GTSE1: variants seen among roughly 807,000 people sequenced by gnomAD.
GTSE1 encodes the protein G2 and S phase-expressed protein 1.
A neutral mutation model predicts 60.5 loss-of-function variants in GTSE1; 52 were observed. The observed-to-expected ratio is 0.86, with a 90% CI of 0.69 to 1.08. The LOEUF (loss-of-function observed/expected upper bound fraction) is 1.08. Among genes scored for constraint, GTSE1 ranks in the 50% least tolerant of loss-of-function variants. The probability of loss-of-function intolerance (pLI) is 0.00; values close to 1 mark genes in which losing one functional copy is unlikely to be tolerated. For missense variants in GTSE1, 937 were observed against 961.8 expected (o/e 0.97, Z 0.34); for synonymous variants, 368 against 386.5 (o/e 0.95, Z 0.56).
chr22:46,303,170 G>A lies in GTSE1; in HGVS notation c.80-4980G>A, dbSNP rs189467908. ...CCTCCTCGGCCTCCCAAAGTGCTGG[G>A]ATTACAGATGTGAGCCACCCTGCCC... On this transcript the variant is annotated intron_variant, in intron 2 of 11. Coordinates refer to ENST00000454366, the MANE Select transcript of GTSE1 (RefSeq NM_016426.7). Among the ~76,000 whole-genome samples, 450 of 152,220 alleles carry A rather than the reference G, an allele frequency of 3.0e-3. 3 individuals carry two copies. Among genetic ancestry groups the A allele is most frequent in the Non-Finnish European group, 3.0e-3 (207 of 68,020 alleles).
rs775305002 is a variant in GTSE1, at chr22:46,329,160, G to A, written c.1927-198G>A. Reference sequence around the variant, plus strand: ...CAGGAGCTGGTGGCTGCTGGTGAGCGGGTATGGACAGGGAGGTGGGCAACA... The same window carrying A: ...CAGGAGCTGGTGGCTGCTGGTGAGCAGGTATGGACAGGGAGGTGGGCAACA... On this transcript the variant is annotated intron_variant, in intron 10 of 11. Transcript: ENST00000454366. The surrounding 1 kb of genome is among the most constrained non-coding windows in gnomAD (Gnocchi z 6.4). The A allele has an allele frequency of 3.0e-5, 19 of 640,998 alleles. No individual in the cohort carries two copies. Among genetic ancestry groups the A allele is most frequent in the Admixed American group, 5.4e-5 (2 of 37,194 alleles). The allele number at this position is 640,998 out of a possible 1,614,324, so 39.7% of individuals were successfully genotyped here.
At chr22:46,325,842 A>G (rs1235817610) in intron 8 of GTSE1, among the ~76,000 whole-genome samples, 2 of 152,254 alleles carry the variant, frequency 1.3e-5, no homozygotes, top group African/African-American at 4.8e-5. Context: ...CAACAGCAAC[A>G]CAAGAAAGCA....
chr22:46,315,740 T>C (rs1216100436), intron 6 of GTSE1, among the ~76,000 whole-genome samples: 12 of 152,194 alleles, frequency 7.9e-5, no homozygotes, highest in Non-Finnish European at 1.0e-4. Context: ...GCTCAACTAA[T>C]GTAGATTTCT....
Position 46,320,933 on chromosome 22 carries a change from G to C in GTSE1, c.1433-2257G>C, listed in dbSNP as rs1054768358. ...ATGACCTTCCCGTGCCACCATGGAA[G>C]CTGCTGAAGAGTGCGCTCCACCCAG... On this transcript the variant is annotated intron_variant, in intron 7 of 11. Transcript: ENST00000454366. This position sits in a 1 kb window ranked among gnomAD's most constrained non-coding sequence, Gnocchi z 7.1. Among the ~76,000 whole-genome samples, 10 of 152,054 alleles carry C rather than the reference G, an allele frequency of 6.6e-5. No homozygotes were observed. The highest frequency in any genetic ancestry group is 2.2e-4 in the African/African-American group (9 of 41,382).
chr22:46,329,441 C>T lies in GTSE1; in HGVS notation c.2010C>T (p.Ile670=). Residue 670 remains isoleucine (I), a synonymous_variant, in exon 11 of 12, where the codon ATC becomes ATT. Coordinates refer to ENST00000454366, the MANE Select transcript of GTSE1 (RefSeq NM_016426.7). This position sits in a 1 kb window ranked among gnomAD's most constrained non-coding sequence, Gnocchi z 6.4. The stretch of plus-strand genomic sequence containing the variant: ...AGCCCCTCATTGACCTTCCTCTCAT[C>T]GACTTCTGCGATACCCCAGAAGCAC... ...ASQPLIDLPL[I]DFCDTPEAHV... The T allele has an allele frequency of 6.2e-7, 1 of 1,614,140 alleles. No individual in the cohort carries two copies. Among genetic ancestry groups the T allele is most frequent in the African/African-American group, 1.3e-5 (1 of 75,050 alleles).
Position 46,308,402 on chromosome 22 carries a change from C to G in GTSE1, c.221C>G (p.Pro74Arg). ...CIAASLELNN[P>R]VPEQPPLPTS... is the part of the protein sequence containing the mutation. ...GCTGCCAGCTTGGAATTAAATAATC[C>G]GGTTCCCGAACAGCCTCCGTTGCCC... Residue 74 changes from proline to arginine, a missense_variant, in exon 4 of 12, where the codon CCG becomes CGG. Pro to Arg is a moderately radical substitution (Grantham distance 103, BLOSUM62 -2). Coordinates refer to ENST00000454366, the MANE Select transcript of GTSE1 (RefSeq NM_016426.7). The G allele has an allele frequency of 3.7e-6, 6 of 1,614,086 alleles. No homozygotes were observed. The highest frequency in any genetic ancestry group is 5.1e-6 in the Non-Finnish European group (6 of 1,179,992).
At chr22:46,307,856 A>C (rs1026382103) in intron 2 of GTSE1, among the ~76,000 whole-genome samples, 22 of 152,112 alleles carry the variant, frequency 1.4e-4, no homozygotes, top group African/African-American at 5.3e-4. Flanking sequence ...TCACGCCTGT[A>C]ACCCCAACAC....
rs1387183392 is a variant in GTSE1 at position 46,309,228 on chromosome 22, T to C, written c.762+285T>C. Among the ~76,000 whole-genome samples the C allele has an allele frequency of 5.6e-4, 86 of 152,248 alleles. No homozygotes were observed. The highest frequency in any genetic ancestry group is 4.4e-5 in the Non-Finnish European group (3 of 68,044). ...CACACAGTAGGGATTTCATTTGCTT[T>C]AATAAGCAACCTCTTCCAAAAACTC... On this transcript the variant is annotated intron_variant, in intron 4 of 11. Coordinates refer to ENST00000454366, the MANE Select transcript of GTSE1 (RefSeq NM_016426.7). This position sits in a 1 kb window ranked among gnomAD's most constrained non-coding sequence, Gnocchi z 6.2.
rs1352147420 is a variant in GTSE1, at chr22:46,309,314, C to T, written c.762+371C>T. ...ACCGTGCCTCAGTTTACACTGCATT[C>T]CTCCTGGGCACTGAGTGAGGTGAGC... On this transcript the variant is annotated intron_variant, in intron 4 of 11. Coordinates refer to ENST00000454366, the MANE Select transcript of GTSE1 (RefSeq NM_016426.7). The surrounding 1 kb of genome is among the most constrained non-coding windows in gnomAD (Gnocchi z 6.2). 2.0e-5 allele frequency among the ~76,000 whole-genome samples: 3 copies of T among 152,222 alleles called. No homozygotes were observed. In the East Asian group the frequency reaches 5.8e-4, roughly 29 times the overall value.
At position 46,297,819 on chromosome 22, in the gene GTSE1, C is replaced by A. The variant is rs902604807; in HGVS notation, c.79+340C>A. 2.6e-5 allele frequency among the ~76,000 whole-genome samples: 4 copies of A among 152,120 alleles called. No individual in the cohort carries two copies. Among genetic ancestry groups the A allele is most frequent in the African/African-American group, 9.7e-5 (4 of 41,406 alleles). ...CTGTTTGCTAAGACTTATTTAGGAT[C>A]TTTGAGACCATGTTAATGAGTAAGC... is the stretch of plus-strand genomic sequence containing the variant. On this transcript the variant is annotated intron_variant, in intron 2 of 11. Coordinates refer to ENST00000454366, the MANE Select transcript of GTSE1 (RefSeq NM_016426.7). The surrounding 1 kb of genome is among the most constrained non-coding windows in gnomAD (Gnocchi z 4.9).
rs1013787273 is a variant in GTSE1 at position 46,329,954 on chromosome 22, G to A, written c.2137-93G>A. ...CCCGAGCCAGGATGAGCGAGTGGCTGTGATGACCCACGCAGCCAGTCCTCT... is the reference window on the plus strand; with the variant it reads ...CCCGAGCCAGGATGAGCGAGTGGCTATGATGACCCACGCAGCCAGTCCTCT... On this transcript the variant is annotated intron_variant, in intron 11 of 11. Coordinates refer to ENST00000454366, the MANE Select transcript of GTSE1 (RefSeq NM_016426.7). This position sits in a 1 kb window ranked among gnomAD's most constrained non-coding sequence, Gnocchi z 6.4. 10 of 795,930 alleles carry A rather than the reference G, an allele frequency of 1.3e-5. No individual in the cohort carries two copies. Among genetic ancestry groups the A allele is most frequent in the Non-Finnish European group, 2.0e-5 (9 of 448,970 alleles). 49.3% of individuals were successfully genotyped at this position (795,930 alleles called of 1,614,324 possible). A position where few individuals can be genotyped will look rare whatever the true frequency, so the allele number is the denominator to read the frequency against.
chr22:46,298,900 C>G (rs891134360), intron 2 of GTSE1, among the ~76,000 whole-genome samples: 1 of 152,220 alleles, frequency 6.6e-6, no homozygotes, highest in African/African-American at 2.4e-5. Context: ...GTCGCCACGT[C>G]TCCTCCGTTG....
rs370128465 is a variant in GTSE1 at position 46,318,716 on chromosome 22, C to T, written c.1432+2304C>T. 4.9e-4 allele frequency among the ~76,000 whole-genome samples: 74 copies of T among 152,058 alleles called. No homozygotes were observed. Among genetic ancestry groups the T allele is most frequent in the African/African-American group, 1.4e-3 (58 of 41,396 alleles). ...GTGCAGAGGTCCTGGGGCAGGAAGGCGTGGGACGTGCTCTGGGAGCAGCAT... is the reference window on the plus strand; with the variant it reads ...GTGCAGAGGTCCTGGGGCAGGAAGGTGTGGGACGTGCTCTGGGAGCAGCAT... On this transcript the variant is annotated intron_variant, in intron 7 of 11. Coordinates refer to ENST00000454366, the MANE Select transcript of GTSE1 (RefSeq NM_016426.7). This position sits in a 1 kb window ranked among gnomAD's most constrained non-coding sequence, Gnocchi z 4.8.
At chr22:46,326,199 G>A (rs1053813680) in intron 8 of GTSE1, among the ~76,000 whole-genome samples, 1 of 152,256 alleles carries the variant, frequency 6.6e-6, no homozygotes. Flanking sequence ...GTGAGGAAGG[G>A]CAGTGAAGCC....
chr22:46,329,619 C>T lies in GTSE1; in HGVS notation c.2136+52C>T. On this transcript the variant is annotated intron_variant, in intron 11 of 11. Transcript: ENST00000454366. This position sits in a 1 kb window ranked among gnomAD's most constrained non-coding sequence, Gnocchi z 6.4. ...GACTCAGCCCTGGGTGTCCTCAGTT[C>T]TGGGATTGTTCATCCTCCCAGGGCC... 3 of 1,449,450 alleles carry T rather than the reference C, an allele frequency of 2.1e-6. No homozygotes were observed. The highest frequency in any genetic ancestry group is 2.9e-6 in the Non-Finnish European group (3 of 1,031,762). The allele number at this position is 1,449,450 out of a possible 1,614,324, so 89.8% of individuals were successfully genotyped here. A position where few individuals can be genotyped will look rare whatever the true frequency, so the allele number is the denominator to read the frequency against.
rs374070590 is a variant in GTSE1, at chr22:46,323,313, G to A, written c.1505+51G>A. The A allele has an allele frequency of 8.2e-6, 11 of 1,341,558 alleles. No individual in the cohort carries two copies. In the African/African-American group the frequency reaches 1.2e-4, roughly 14 times the overall value. The allele number at this position is 1,341,558 out of a possible 1,614,324, so 83.1% of individuals were successfully genotyped here. On this transcript the variant is annotated intron_variant, in intron 8 of 11. Coordinates refer to ENST00000454366, the MANE Select transcript of GTSE1 (RefSeq NM_016426.7). ...TCTTTATTGCTGTAGAATGACTCAC[G>A]CATCTGCTTACCTCAACCATTTGGT...
intron 2 of GTSE1, among the ~76,000 whole-genome samples, chr22:46,306,922 T>G (rs1486709396): frequency 2.0e-5 from 3 of 152,198 alleles, no homozygotes; most frequent in Non-Finnish European, 4.4e-5. Context: ...ATTTGGGAAT[T>G]TGGGTTAGTG....
chr22:46,299,464 C>A (rs889728562), intron 2 of GTSE1, among the ~76,000 whole-genome samples: 3 of 152,224 alleles, frequency 2.0e-5, no homozygotes, highest in African/African-American at 7.2e-5. Context: ...ATACCCTGTT[C>A]TTTTTGTCTT....
chr22:46,303,939 G>A (rs551689383), intron 2 of GTSE1, among the ~76,000 whole-genome samples: 2 of 152,290 alleles, frequency 1.3e-5, no homozygotes, highest in East Asian at 3.9e-4. Flanking sequence ...GGAGTGAGGA[G>A]GCCAGGGAGC....
Sources: gnomAD v4.1 joint callset for allele counts (sites outside exome capture counted in the v4.1 genomes callset) on GRCh38, gnomAD v4.1.1 for gene constraint, Gnocchi (gnomAD v3.1) non-coding constraint, MANE v1.5 for transcripts, NCBI Gene and HGNC (gene_info 2026-07-23, HGNC 2026-07-21) for gene names.